The following FHOD3 variants were observed in gnomAD, a reference collection of about 807,000 sequenced individuals.
The protein encoded by FHOD3 is formin homology 2 domain containing 3.
Under a neutral mutation model 173.0 loss-of-function variants are expected in FHOD3, and 90 were observed. The ratio of observed to expected loss-of-function variants is 0.52; its 90% CI spans 0.44 to 0.62. The LOEUF (loss-of-function observed/expected upper bound fraction) is 0.62, where lower values mean the gene tolerates loss of function less well. Ranked by LOEUF, FHOD3 falls within the 20% of genes least tolerant of loss-of-function variation. FHOD3 has a pLI of 0.00. For synonymous variants in FHOD3, 828 were observed against 823.0 expected (o/e 1.01, Z -0.10); for missense variants, 1,945 against 2,034.7 (o/e 0.96, Z 0.85).
At chr18:36,530,014 G>A (rs899601584) in intron 5 of FHOD3, among the ~76,000 whole-genome samples, 8 of 151,722 alleles carry the variant, frequency 5.3e-5, no homozygotes, top group South Asian at 2.1e-4. Flanking sequence ...AAGGTAGGGG[G>A]TTTGGTCATG....
At chr18:36,757,033 CACAT>C (rs1309708892) in intron 25 of FHOD3, among the ~76,000 whole-genome samples, 1 of 151,946 alleles carries the variant, frequency 6.6e-6, no homozygotes, top group East Asian at 1.9e-4. Flanking sequence ...GGCTATGAGA[CACAT>C]ACAAGCCGAA....
intron 10 of FHOD3, among the ~76,000 whole-genome samples, chr18:36,631,423 A>G (rs1306587401): frequency 6.6e-6 from 1 of 152,248 alleles, no homozygotes; most frequent in Non-Finnish European, 1.5e-5. Flanking sequence ...TTTTTAAATA[A>G]AAATGATAGG....
intron 5 of FHOD3, among the ~76,000 whole-genome samples, chr18:36,520,601 G>C (rs1458079781): frequency 6.6e-6 from 1 of 152,160 alleles, no homozygotes; most frequent in Middle Eastern, 3.4e-3. Context: ...AGAAATTCAG[G>C]CCACTTTGCA....
chr18:36,760,721 C>G lies in FHOD3; in HGVS notation c.4563C>G (p.Ser1521=). The change falls in exon 27 of 29, where the codon TCC becomes TCG. Residue 1521 remains serine (S), a synonymous_variant. Transcript: ENST00000590592. ...TGAAGGCTGTGCTGAAAACCTCGTC[C>G]CCCTCCGTGGAGGACGCCACCCCCG... ...ENMKAVLKTS[S]PSVEDATPAL... 6.2e-7 allele frequency: 1 copy of G among 1,613,210 alleles called. No individual in the cohort carries two copies. The highest frequency in any genetic ancestry group is 8.5e-7 in the Non-Finnish European group (1 of 1,180,020).
chr18:36,337,874 T>C (rs899110374), intron 1 of FHOD3, among the ~76,000 whole-genome samples: 1 of 152,140 alleles, frequency 6.6e-6, no homozygotes, highest in African/African-American at 2.4e-5. Context: ...GCTTTCTGTT[T>C]GTTCTGGAGA....
At chr18:36,682,787 G>T (rs781692023) in intron 15 of FHOD3, among the ~76,000 whole-genome samples, 11 of 152,114 alleles carry the variant, frequency 7.2e-5, no homozygotes, top group Non-Finnish European at 1.6e-4. Context: ...TTACTGTGTT[G>T]GCCAGGCTGT....
chr18:36,471,315 G>C (rs1047713173), intron 3 of FHOD3, among the ~76,000 whole-genome samples: 1 of 152,156 alleles, frequency 6.6e-6, no homozygotes, highest in African/African-American at 2.4e-5. Context: ...TCTGGGTCCT[G>C]CCTGACCCGA....
chr18:36,676,437 T>G (rs1299959842), intron 14 of FHOD3, among the ~76,000 whole-genome samples: 1 of 152,246 alleles, frequency 6.6e-6, no homozygotes, highest in Non-Finnish European at 1.5e-5. Flanking sequence ...GGTATTTGTA[T>G]AATTCTAATT....
At chr18:36,695,159 G>A (rs902393549) in intron 17 of FHOD3, among the ~76,000 whole-genome samples, 1 of 151,208 alleles carries the variant, frequency 6.6e-6, no homozygotes, top group Admixed American at 6.6e-5. Context: ...CCTGACCAAC[G>A]TGGAGAAAAC....
intron 3 of FHOD3, among the ~76,000 whole-genome samples, chr18:36,426,953 G>A (rs74695920): frequency 0.014 from 2,182 of 152,310 alleles, 51 homozygotes; most frequent in African/African-American, 0.05. Context: ...CAACCAGGGA[G>A]TGGTACTGTT....
intron 1 of FHOD3, among the ~76,000 whole-genome samples, chr18:36,309,401 T>C (rs1598651273): frequency 6.6e-6 from 1 of 151,976 alleles, no homozygotes; most frequent in Non-Finnish European, 1.5e-5. Context: ...GGCTGCAGAG[T>C]CCAACTGCCC....
intron 10 of FHOD3, among the ~76,000 whole-genome samples, chr18:36,643,456 G>C (rs749656230): frequency 7.9e-5 from 12 of 152,006 alleles, no homozygotes; most frequent in Non-Finnish European, 1.3e-4. Flanking sequence ...GAATAACCCT[G>C]GTGCAGAATC....
At position 36,501,788 on chromosome 18, in the gene FHOD3, G is replaced by A. The variant is rs1019578180; in HGVS notation, c.338-144G>A. On this transcript the variant is annotated intron_variant, in intron 3 of 28. Coordinates refer to ENST00000590592, the MANE Select transcript of FHOD3 (RefSeq NM_001281740.3). ...ATATGCAACATTCTTCTTATGGTTG[G>A]GGGTAAGGTCTGTATCCTGAATGAA... 5.5e-6 allele frequency: 3 copies of A among 541,850 alleles called. No individual in the cohort carries two copies. In the African/African-American group the frequency reaches 5.8e-5, roughly 11 times the overall value. 33.6% of individuals were successfully genotyped at this position (541,850 alleles called of 1,614,324 possible). A position where few individuals can be genotyped will look rare whatever the true frequency, so the allele number is the denominator to read the frequency against.
intron 14 of FHOD3, among the ~76,000 whole-genome samples, chr18:36,666,300 G>A (rs2037177213): frequency 6.6e-6 from 1 of 152,240 alleles, no homozygotes; most frequent in South Asian, 2.1e-4. Context: ...TGTAGCAGTG[G>A]TGATGAGAAA....
chr18:36,574,016 G>A (rs901372600), intron 5 of FHOD3, among the ~76,000 whole-genome samples: 2 of 152,174 alleles, frequency 1.3e-5, no homozygotes, highest in Non-Finnish European at 2.9e-5. Flanking sequence ...TGGAGATTTT[G>A]GTCACATCCC....
At chr18:36,509,801 A>C (rs1249975553) in intron 4 of FHOD3, among the ~76,000 whole-genome samples, 1 of 152,178 alleles carries the variant, frequency 6.6e-6, no homozygotes, top group Admixed American at 6.5e-5. Context: ...AACCAAGTTC[A>C]CTCTGTAGTG....
At chr18:36,504,783 A>G (rs2055217898) in intron 4 of FHOD3, among the ~76,000 whole-genome samples, 2 of 152,148 alleles carry the variant, frequency 1.3e-5, no homozygotes, top group South Asian at 4.1e-4. Context: ...TAAATAAATA[A>G]AAAGTATCCT....
At chr18:36,625,892 A>C in intron 10 of FHOD3, 143 bp downstream of exon 10, 2 of 643,326 alleles carry the variant, frequency 3.1e-6, no homozygotes, top group East Asian at 3.2e-5. Flanking sequence ...CCATTAAACC[A>C]CCAGCCAAAC....
chr18:36,557,857 G>A lies in FHOD3; in HGVS notation c.512-18594G>A, dbSNP rs574464125. The stretch of plus-strand genomic sequence containing the variant: ...CATTTGTTCTAAGGCCCAGTTACTT[G>A]TAAACAGTTTGATCCTTTAAGGTAT... On this transcript the variant is annotated intron_variant, in intron 5 of 28. Coordinates refer to ENST00000590592, the MANE Select transcript of FHOD3 (RefSeq NM_001281740.3). Among the ~76,000 whole-genome samples the A allele has an allele frequency of 1.3e-3, 194 of 152,250 alleles. 1 individual carries two copies. Among genetic ancestry groups the A allele is most frequent in the African/African-American group, 4.4e-3 (184 of 41,544 alleles).
Sources: allele counts gnomAD v4.1 joint callset (sites outside exome capture counted in the v4.1 genomes callset), GRCh38; gene constraint gnomAD v4.1.1; transcripts MANE v1.5; gene names NCBI Gene and HGNC (gene_info 2026-07-23, HGNC 2026-07-21).